Variants in CFAP20DC observed in about 807,000 individuals in gnomAD.
The protein encoded by CFAP20DC is CFAP20 domain containing.
Under a neutral mutation model 101.7 loss-of-function variants are expected in CFAP20DC, and 84 were observed. That is an observed-to-expected ratio of 0.83 (90% CI 0.69 to 0.99). The LOEUF (loss-of-function observed/expected upper bound fraction) is 0.99. Among genes scored for constraint, CFAP20DC ranks in the 50% least tolerant of loss-of-function variants. The pLI, the probability that CFAP20DC is intolerant of heterozygous loss-of-function variation, is 0.00. For synonymous variants in CFAP20DC, 359 were observed against 351.2 expected, an observed-to-expected ratio of 1.02 and a Z score of -0.25; for missense variants, 1,007 against 970.3, an observed-to-expected ratio of 1.04 and a Z score of -0.50.
downstream of CFAP20DC, among the ~76,000 whole-genome samples, chr3:58,740,683 AT>A (rs936656487): frequency 9.3e-5 from 14 of 150,488 alleles, no homozygotes; most frequent in African/African-American, 1.9e-4. The surrounding 1 kb of genome is among the most constrained non-coding windows in gnomAD (Gnocchi z 4.6). Flanking sequence ...CTGTATCCTA[AT>A]TTTTTTTTTC....
chr3:58,948,397 G>C (rs541598417), intron 4 of CFAP20DC, among the ~76,000 whole-genome samples: 1 of 152,234 alleles, frequency 6.6e-6, no homozygotes, highest in East Asian at 1.9e-4. Context: ...ACTTGCTACA[G>C]CATGTTTTTT....
intron 16 of CFAP20DC, chr3:58,753,567 C>T (rs547334600): frequency 4.1e-6 from 2 of 490,848 alleles, no homozygotes; most frequent in South Asian, 5.6e-5. Context: ...TTTAGAAGAA[C>T]AAGGGTAGTT....
rs545223454 is a variant in CFAP20DC at position 58,732,003 on chromosome 3, A to T, written c.198-14375T>A. On this transcript the variant is annotated intron_variant, in intron 3 of 3. Transcript: ENST00000486145. The surrounding 1 kb of genome is among the most constrained non-coding windows in gnomAD (Gnocchi z 5.4). The stretch of plus-strand genomic sequence containing the variant: ...AGTTTCTTAATTTGTAAAGTAGATG[A>T]ACACAGTTGCGAGGATTAAATGAGA... Among the ~76,000 whole-genome samples the T allele has an allele frequency of 2.0e-5, 3 of 152,336 alleles. No homozygotes were observed. The highest frequency in any genetic ancestry group is 2.9e-5 in the Non-Finnish European group (2 of 68,026).
intron 14 of CFAP20DC, among the ~76,000 whole-genome samples, chr3:58,821,718 A>T (rs913702005): frequency 6.6e-5 from 10 of 151,434 alleles, no homozygotes; most frequent in African/African-American, 2.4e-4. Context: ...TAGTTCAACC[A>T]CTGTGGAAGT....
chr3:58,723,957 T>G (rs2067510044), intron 3 of CFAP20DC, among the ~76,000 whole-genome samples: 1 of 152,198 alleles, frequency 6.6e-6, no homozygotes, highest in Non-Finnish European at 1.5e-5. Flanking sequence ...AGGCGCACAT[T>G]TTTTGTTGTT....
intron 6 of CFAP20DC, among the ~76,000 whole-genome samples, chr3:58,900,806 TC>T (rs1463683156): frequency 1.3e-5 from 2 of 152,194 alleles, no homozygotes; most frequent in Middle Eastern, 3.2e-3. Flanking sequence ...GTAACCCTGT[TC>T]CCCTTTCTTT....
chr3:58,819,495 C>T (rs2107890370), intron 14 of CFAP20DC, among the ~76,000 whole-genome samples: 1 of 149,800 alleles, frequency 6.7e-6, no homozygotes, highest in Non-Finnish European at 1.5e-5. Context: ...AAACTACCAT[C>T]AGAGAATACT....
In CFAP20DC at chr3:58,859,125, G is replaced by A. The variant is rs116015903; in HGVS notation, c.1593+4433C>T. ...GTCTTATAATACATTTTACGAGTTTGTAAACAAATAAAATAAAAGGAAGAT... is the reference window on the plus strand; with the variant it reads ...GTCTTATAATACATTTTACGAGTTTATAAACAAATAAAATAAAAGGAAGAT... On this transcript the variant is annotated intron_variant, in intron 12 of 16. Transcript: ENST00000482387. This position sits in a 1 kb window ranked among gnomAD's most constrained non-coding sequence, Gnocchi z 4.1. 0.011 allele frequency among the ~76,000 whole-genome samples: 1,617 copies of A among 152,194 alleles called. 33 individuals carry two copies. Among genetic ancestry groups the A allele is most frequent in the African/African-American group, 0.037 (1,530 of 41,530 alleles).
At chr3:58,804,970 T>C (rs1160651775) in intron 15 of CFAP20DC, among the ~76,000 whole-genome samples, 1 of 152,114 alleles carries the variant, frequency 6.6e-6, no homozygotes, top group Non-Finnish European at 1.5e-5. Context: ...TTAGAAGAGA[T>C]TACTAGTAAA....
In CFAP20DC at chr3:58,863,259, A is replaced by T; in HGVS notation, c.1593+299T>A. ...GTTTTACTGGTCTTGCTATCATAGC[A>T]CTAAACTGCATATCGTTTCTCATCC... is the stretch of plus-strand genomic sequence containing the variant. On this transcript the variant is annotated intron_variant, in intron 12 of 16. Transcript: ENST00000482387. This position sits in a 1 kb window ranked among gnomAD's most constrained non-coding sequence, Gnocchi z 5.9. The T allele has an allele frequency of 1.4e-6, 2 of 1,392,784 alleles. No homozygotes were observed. Among genetic ancestry groups the T allele is most frequent in the East Asian group, 5.3e-5 (2 of 37,790 alleles). 86.3% of individuals were successfully genotyped at this position (1,392,784 alleles called of 1,614,324 possible).
At chr3:58,965,851 C>G (rs941819666) in intron 4 of CFAP20DC, among the ~76,000 whole-genome samples, 1 of 152,114 alleles carries the variant, frequency 6.6e-6, no homozygotes, top group Non-Finnish European at 1.5e-5. Context: ...AAAAGAGTTA[C>G]GTGGCATAGA....
chr3:58,869,943 C>T lies in CFAP20DC; in HGVS notation c.852+230G>A, dbSNP rs1471876467. On this transcript the variant is annotated intron_variant, in intron 8 of 16. Coordinates refer to ENST00000482387, the MANE Select transcript of CFAP20DC (RefSeq NM_001394063.1). The surrounding 1 kb of genome is among the most constrained non-coding windows in gnomAD (Gnocchi z 4.3). ...GTGAACATATTTAATGAAAAGAATA[C>T]TCGAAAATGTTAATTATGTTGATAT... Among the ~76,000 whole-genome samples the T allele has an allele frequency of 6.6e-6, 1 of 152,172 alleles. No individual in the cohort carries two copies. The highest frequency in any genetic ancestry group is 2.4e-5 in the African/African-American group (1 of 41,426).
intron 4 of CFAP20DC, among the ~76,000 whole-genome samples, chr3:58,946,759 T>G (rs1043654049): frequency 3.3e-5 from 5 of 152,110 alleles, no homozygotes; most frequent in African/African-American, 9.7e-5. Flanking sequence ...CAAGATTGGT[T>G]GCTGGGAGTT....
intron 13 of CFAP20DC, among the ~76,000 whole-genome samples, chr3:58,844,339 A>G (rs1275476551): frequency 7.0e-6 from 1 of 142,642 alleles, no homozygotes; most frequent in Non-Finnish European, 1.5e-5. Flanking sequence ...AATGGAAAAC[A>G]AAAAAAGGCA....
intron 4 of CFAP20DC, among the ~76,000 whole-genome samples, chr3:58,996,026 T>C (rs71311902): frequency 1.3e-4 from 12 of 92,190 alleles, no homozygotes; most frequent in Non-Finnish European, 2.2e-4. Context: ...ATCTATCTAT[T>C]GTTTCTGTTG....
chr3:59,008,783 C>G (rs2093505302), intron 4 of CFAP20DC, among the ~76,000 whole-genome samples: 1 of 151,902 alleles, frequency 6.6e-6, no homozygotes, highest in African/African-American at 2.4e-5. Flanking sequence ...ATGGGTGCAG[C>G]ACACCAACAT....
chr3:58,851,888 A>G (rs1196685952), intron 12 of CFAP20DC, among the ~76,000 whole-genome samples: 1 of 152,216 alleles, frequency 6.6e-6, no homozygotes, highest in Non-Finnish European at 1.5e-5. Flanking sequence ...GAGAGAAGTG[A>G]GTAGGAGCAT....
intron 15 of CFAP20DC, among the ~76,000 whole-genome samples, chr3:58,800,280 G>A (rs2073594215): frequency 6.6e-6 from 1 of 152,208 alleles, no homozygotes; most frequent in Non-Finnish European, 1.5e-5. Context: ...GCCCAGGTGA[G>A]AGGTGATGGC....
At chr3:58,832,110 A>G (rs1182648506) in intron 13 of CFAP20DC, among the ~76,000 whole-genome samples, 1 of 146,514 alleles carries the variant, frequency 6.8e-6, no homozygotes, top group African/African-American at 2.7e-5. Flanking sequence ...CCTCAAAAGC[A>G]TCAGTCCTCT....
Sources: allele counts gnomAD v4.1 joint callset (sites outside exome capture counted in the v4.1 genomes callset), GRCh38; gene constraint gnomAD v4.1.1; non-coding constraint Gnocchi (gnomAD v3.1); transcripts MANE v1.5; gene names NCBI Gene and HGNC (gene_info 2026-07-23, HGNC 2026-07-21).